ENTPD1: variants seen among roughly 807,000 people sequenced by gnomAD.
ENTPD1 encodes the protein ectonucleoside triphosphate diphosphohydrolase 1.
A neutral mutation model predicts 57.0 loss-of-function variants in ENTPD1; 33 were observed. The observed-to-expected ratio is 0.58, with a 90% CI of 0.44 to 0.77. The LOEUF is 0.77. Ranked by LOEUF, ENTPD1 falls within the 30% of genes least tolerant of loss-of-function variation. ENTPD1 has a pLI of 0.00. For synonymous variants in ENTPD1, 202 were observed against 218.8 expected, an observed-to-expected ratio of 0.92 and a Z score of 0.68; for missense variants, 501 against 603.4, an observed-to-expected ratio of 0.83 and a Z score of 1.78.
intron 1 of ENTPD1, among the ~76,000 whole-genome samples, chr10:95,810,558 A>G (rs10736092): frequency 0.54 from 81,913 of 151,944 alleles, 22,502 homozygotes; most frequent in Admixed American, 0.63. Flanking sequence ...CTTCCCAGAC[A>G]GGGTTTAGTT....
At chr10:95,709,508 C>T (rs1324621808), upstream of ENTPD1, among the ~76,000 whole-genome samples, 2 of 152,074 alleles carry the variant, frequency 1.3e-5, no homozygotes, top group Non-Finnish European at 2.9e-5. Context: ...CTCAGCCTCC[C>T]GAGTACCTGG....
chr10:95,727,707 G>A (rs904179936), intron 1 of ENTPD1, among the ~76,000 whole-genome samples: 1 of 152,144 alleles, frequency 6.6e-6, no homozygotes, highest in Admixed American at 6.5e-5. Flanking sequence ...TGGAGTAAAT[G>A]AATTTAGCCA....
intron 2 of ENTPD1, among the ~76,000 whole-genome samples, chr10:95,833,215 CAAT>C (rs1355531211): frequency 1.3e-5 from 2 of 152,140 alleles, no homozygotes; most frequent in Non-Finnish European, 2.9e-5. Flanking sequence ...TGTTGCACAA[CAAT>C]GTGAATATCC....
upstream of ENTPD1, chr10:95,755,673 G>T (rs1566106652): frequency 6.5e-7 from 1 of 1,536,982 alleles, no homozygotes; most frequent in Non-Finnish European, 8.7e-7. Flanking sequence ...TTGCTCTAAT[G>T]AGCCTTGAGA....
intron 1 of ENTPD1, among the ~76,000 whole-genome samples, chr10:95,805,532 T>C (rs2098268461): frequency 6.6e-6 from 1 of 152,218 alleles, no homozygotes; most frequent in African/African-American, 2.4e-5. Flanking sequence ...ATCCTGTCAT[T>C]ATGATGTTAG....
Position 95,758,196 on chromosome 10 carries a change from T to C in ENTPD1, c.16+1941T>C, listed in dbSNP as rs929851589. ...TTCCTCAGACTGAAGCTAGGCACTT[T>C]CTTCTGTTTTAAGGGCCTATCTGGT... On this transcript the variant is annotated intron_variant, in intron 1 of 9. Transcript: ENST00000371205. Among the ~76,000 whole-genome samples, 5 of 151,950 alleles carry C rather than the reference T, an allele frequency of 3.3e-5. No individual in the cohort carries two copies. In the East Asian group the frequency reaches 7.7e-4, roughly 24 times the overall value.
intron 1 of ENTPD1, among the ~76,000 whole-genome samples, chr10:95,713,164 A>G (rs572417525): frequency 5.3e-5 from 8 of 152,130 alleles, no homozygotes; most frequent in Non-Finnish European, 7.4e-5. Context: ...TCTTGTTTAT[A>G]TAGTAAAAAC....
At chr10:95,835,977 A>T (rs2098408620) in intron 2 of ENTPD1, among the ~76,000 whole-genome samples, 1 of 152,182 alleles carries the variant, frequency 6.6e-6, no homozygotes, top group African/African-American at 2.4e-5. Flanking sequence ...TTATGTGTTT[A>T]TTCTACCTTG....
At chr10:95,703,643 G>A in the ENTPD1 span, among the ~76,000 whole-genome samples, 1 of 151,918 alleles carries the variant, frequency 6.6e-6, no homozygotes, top group Non-Finnish European at 1.5e-5. Context: ...TTAGCCAGGC[G>A]TGGTGGCAGG....
In ENTPD1 at chr10:95,743,255, T is replaced by A. The variant is rs1414725142; in HGVS notation, c.37+31262T>A. ...CTTTCTCATGATTAGGCTCGAGTTA[T>A]GCACTTTTTGGAGGAAGACCACAGA... is the stretch of plus-strand genomic sequence containing the variant. On this transcript the variant is annotated intron_variant, in intron 1 of 9. Coordinates refer to the ENTPD1 transcript ENST00000453258. 2.6e-5 allele frequency among the ~76,000 whole-genome samples: 4 copies of A among 152,348 alleles called. No individual in the cohort carries two copies. In the East Asian group the frequency reaches 7.7e-4, roughly 29 times the overall value.
intron 1 of ENTPD1, among the ~76,000 whole-genome samples, chr10:95,802,616 C>T (rs2098254625): frequency 6.6e-6 from 1 of 152,188 alleles, no homozygotes; most frequent in Non-Finnish European, 1.5e-5. Context: ...AAACCCCCCA[C>T]ACCATGACAG....
At chr10:95,756,402 C>A (rs2139930544) in intron 1 of ENTPD1, 147 bp downstream of exon 1, 1 of 940,792 alleles carries the variant, frequency 1.1e-6, no homozygotes, top group Non-Finnish European at 1.6e-6. Flanking sequence ...TGAGAGGAGG[C>A]AGAGAAAGAG....
At chr10:95,756,604 C>T (rs761067947) in intron 1 of ENTPD1, 1 of 291,158 alleles carries the variant, frequency 3.4e-6, no homozygotes, top group Non-Finnish European at 6.5e-6. Flanking sequence ...CTCATCTAGC[C>T]TCGGGTCTGT....
the ENTPD1 span, among the ~76,000 whole-genome samples, chr10:95,697,639 A>G: frequency 1.3e-5 from 2 of 152,174 alleles, no homozygotes; most frequent in Non-Finnish European, 2.9e-5. Context: ...TTAGCAAGTT[A>G]ACACGCTCAG....
intron 8 of ENTPD1, among the ~76,000 whole-genome samples, chr10:95,860,880 C>A (rs1238414347): frequency 2.0e-5 from 3 of 152,224 alleles, no homozygotes; most frequent in Non-Finnish European, 2.9e-5. Flanking sequence ...TTCAGCTCTG[C>A]TGTTGTGCCT....
chr10:95,695,958 A>T, the ENTPD1 span, among the ~76,000 whole-genome samples: 38 of 152,224 alleles, frequency 2.5e-4, no homozygotes, highest in African/African-American at 9.1e-4. Flanking sequence ...CCATGTAATG[A>T]TCTTTCTATA....
intron 1 of ENTPD1, among the ~76,000 whole-genome samples, chr10:95,761,402 C>A (rs1456438431): frequency 6.6e-6 from 1 of 152,102 alleles, no homozygotes; most frequent in East Asian, 1.9e-4. Flanking sequence ...AGTTCCCAGG[C>A]GATGATAATG....
intron 1 of ENTPD1, among the ~76,000 whole-genome samples, chr10:95,818,697 G>C (rs144338653): frequency 1.3e-4 from 20 of 152,268 alleles, no homozygotes; most frequent in Admixed American, 3.3e-4. Flanking sequence ...ACCTACATAT[G>C]TGTCCTCAAG....
In ENTPD1 at chr10:95,791,650, A is replaced by T. The variant is rs961484785; in HGVS notation, c.17-31587A>T. On this transcript the variant is annotated intron_variant, in intron 1 of 9. Transcript: ENST00000371205. The surrounding 1 kb of genome is among the most constrained non-coding windows in gnomAD (Gnocchi z 4.1). ...CAGAGGGTAAATACCCATCTTTTAA[A>T]CAGGATTACCACTTGGAAGGAGTTG... is the stretch of plus-strand genomic sequence containing the variant. 1.3e-5 allele frequency among the ~76,000 whole-genome samples: 2 copies of T among 152,202 alleles called. No individual in the cohort carries two copies. Among genetic ancestry groups the T allele is most frequent in the Non-Finnish European group, 2.9e-5 (2 of 68,034 alleles).
Sources: gnomAD v4.1 joint callset for allele counts (sites outside exome capture counted in the v4.1 genomes callset) on GRCh38, gnomAD v4.1.1 for gene constraint, Gnocchi (gnomAD v3.1) non-coding constraint, MANE v1.5 for transcripts, NCBI Gene and HGNC (gene_info 2026-07-23, HGNC 2026-07-21) for gene names.